BCAR1: variants seen among roughly 807,000 people sequenced by gnomAD.
BCAR1 encodes the protein BCAR1 scaffold protein, Cas family member, also known as breast cancer anti-estrogen resistance protein 1.
Under a neutral mutation model 67.6 loss-of-function variants are expected in BCAR1, and 30 were observed. That is an observed-to-expected ratio of 0.44 (90% CI 0.33 to 0.60). The LOEUF (loss-of-function observed/expected upper bound fraction) is 0.60, where lower values mean the gene tolerates loss of function less well. Ranked by LOEUF, BCAR1 falls within the 20% of genes least tolerant of loss-of-function variation. BCAR1 has a pLI of 0.02. For synonymous variants in BCAR1, 626 were observed against 556.7 expected (o/e 1.12, Z -1.75); for missense variants, 1,313 against 1,222.3 (o/e 1.07, Z -1.11).
chr16:75,264,113 T>TC lies in BCAR1; in HGVS notation c.66+3801dup, dbSNP rs769517290. 5.5e-4 allele frequency: 710 copies of TC among 1,289,342 alleles called. 1 individual carries two copies. Among genetic ancestry groups the TC allele is most frequent in the Non-Finnish European group, 5.9e-4 (601 of 1,020,002 alleles). The allele number at this position is 1,289,342 out of a possible 1,614,324, so 79.9% of individuals were successfully genotyped here. On this transcript the variant is annotated intron_variant, in intron 1 of 6. Transcript: ENST00000393422. ...AGGTCCCCACGACAGTGCCTATCTG[T>TC]CCAAGTCCTACCCAGCCCGCTGTTC... is the stretch of plus-strand genomic sequence containing the variant.
intron 1 of BCAR1, among the ~76,000 whole-genome samples, chr16:75,250,290 A>C (rs1597257383): frequency 6.8e-6 from 1 of 147,612 alleles, no homozygotes; most frequent in Non-Finnish European, 1.5e-5. Context: ...CAGCCCCGCC[A>C]CCCCCGTACC....
chr16:75,229,344 C>T lies in BCAR1; in HGVS notation c.*167G>A. The T allele has an allele frequency of 8.6e-7, 1 of 1,160,480 alleles. No homozygotes were observed. Among genetic ancestry groups the T allele is most frequent in the Admixed American group, 3.1e-5 (1 of 32,720 alleles). 71.9% of individuals were successfully genotyped at this position (1,160,480 alleles called of 1,614,324 possible). On this transcript the variant is annotated 3_prime_UTR_variant, in exon 7 of 7. Transcript: ENST00000162330. Reference sequence around the variant, plus strand: ...CTCCTGAGGAGGCATGGCCCCACACCCTGCCCGGCCATAAATATATACAGA... The same window carrying T: ...CTCCTGAGGAGGCATGGCCCCACACTCTGCCCGGCCATAAATATATACAGA...
intron 1 of BCAR1, among the ~76,000 whole-genome samples, chr16:75,265,522 G>A (rs1285276314): frequency 6.6e-6 from 1 of 151,974 alleles, no homozygotes; most frequent in Non-Finnish European, 1.5e-5. Flanking sequence ...AGCTGTCCCA[G>A]GGGTTTCCCG....
In BCAR1 at chr16:75,236,109, C is replaced by T. The variant is rs114111472; in HGVS notation, c.913-123G>A. Reference sequence around the variant, plus strand: ...ACATACAGACACACACACAGAGGCACGCGCACACACACAGGCACACATACA... The same window carrying T: ...ACATACAGACACACACACAGAGGCATGCGCACACACACAGGCACACATACA... On this transcript the variant is annotated intron_variant, in intron 4 of 6. Transcript: ENST00000162330. 4,251 of 1,251,236 alleles carry T rather than the reference C, an allele frequency of 3.4e-3. 61 individuals are homozygous for T. The African/African-American group carries it at 0.037, about 11-fold the overall frequency. The allele number at this position is 1,251,236 out of a possible 1,614,324, so 77.5% of individuals were successfully genotyped here.
In BCAR1 at chr16:75,237,223, G is replaced by A. The variant is rs2077173683; in HGVS notation, c.755C>T (p.Pro252Leu). ...APGPQDIYDV[P>L]PVRGLLPSQY... Reference sequence around the variant, plus strand: ...GCTGGGAAGCAGCCCCCGAACCGGGGGCACATCATAGATGTCCTGTGGCCC... The same window carrying A: ...GCTGGGAAGCAGCCCCCGAACCGGGAGCACATCATAGATGTCCTGTGGCCC... The change falls in exon 3 of 7, where the codon CCC becomes CTC. Residue 252 changes from proline to leucine, a missense_variant. Physicochemically the swap from Pro to Leu is moderately conservative, Grantham distance 98. Coordinates refer to ENST00000162330, the MANE Select transcript of BCAR1 (RefSeq NM_014567.5). 3.2e-6 allele frequency: 5 copies of A among 1,567,086 alleles called. No homozygotes were observed. Among genetic ancestry groups the A allele is most frequent in the Non-Finnish European group, 4.3e-6 (5 of 1,158,726 alleles).
chr16:75,250,302 G>C (rs1227525096), intron 1 of BCAR1, among the ~76,000 whole-genome samples: 4 of 151,870 alleles, frequency 2.6e-5, no homozygotes, highest in African/African-American at 9.7e-5. Context: ...CCCCGTACCT[G>C]GGCCCCGATT....
chr16:75,236,692 G>C lies in BCAR1; in HGVS notation c.912+190C>G. The C allele has an allele frequency of 7.5e-6, 9 of 1,203,612 alleles. No individual in the cohort carries two copies. In the South Asian group the frequency reaches 2.3e-4, roughly 31 times the overall value. 74.6% of individuals were successfully genotyped at this position (1,203,612 alleles called of 1,614,324 possible). ...AGGCCTCGCAACAGGCGGTTCTGCC[G>C]ACAAAGAACCTGAGGCTCAGAAGAC... On this transcript the variant is annotated intron_variant, in intron 4 of 6. Transcript: ENST00000162330.
At chr16:75,231,478 T>C (rs2076898528) in intron 6 of BCAR1, among the ~76,000 whole-genome samples, 2 of 152,208 alleles carry the variant, frequency 1.3e-5, no homozygotes, top group Non-Finnish European at 2.9e-5. Flanking sequence ...ATTAGACACT[T>C]TGTGGGTGGA....
chr16:75,264,686 C>A, intron 1 of BCAR1: 1 of 1,241,608 alleles, frequency 8.1e-7, no homozygotes, highest in South Asian at 3.8e-5. Flanking sequence ...TGGCCAGCTT[C>A]CCTCTGGTCA....
intron 1 of BCAR1, among the ~76,000 whole-genome samples, chr16:75,262,678 C>A (rs529041519): frequency 1.3e-5 from 2 of 152,292 alleles, no homozygotes; most frequent in Non-Finnish European, 2.9e-5. Context: ...GCAGCTCCCC[C>A]ACTCACACCA....
In BCAR1 at chr16:75,229,857, G is replaced by C; in HGVS notation, c.2267C>G (p.Thr756Ser). The C allele has an allele frequency of 1.2e-6, 2 of 1,613,344 alleles. No individual in the cohort carries two copies. Among genetic ancestry groups the C allele is most frequent in the South Asian group, 1.1e-5 (1 of 91,084 alleles). Residue 756 changes from threonine to serine, a missense_variant, in exon 7 of 7, where the codon ACC (threonine) becomes AGC (serine). Physicochemically the swap from Thr to Ser is moderately conservative, Grantham distance 58. Transcript: ENST00000162330. The part of the protein sequence containing the change: ...FYLEQCEANL[T>S]TLTNAVDAFF... ...GGCGTCCACGGCGTTGGTCAGTGTG[G>C]TCAGGTTGGCCTCACACTGCTCCAG...
chr16:75,242,882 G>A lies in BCAR1; in HGVS notation c.221C>T (p.Pro74Leu). Reference protein sequence around the residue: ...VGMYDKKPAGPGPGPPATPAQ... With the variant: ...VGMYDKKPAGLGPGPPATPAQ... ...CGGGGTGGCGGGAGGGCCGGGGCCA[G>A]GCCCTGCTGGCTTCTTATCATACAT... is the stretch of plus-strand genomic sequence containing the variant. Residue 74 changes from proline (P) to leucine (L), a missense_variant, in exon 2 of 7, where the codon CCT becomes CTT. By Grantham distance (98) the Pro-to-Leu change is moderately conservative (BLOSUM62 -3). This residue lies in a region of BCAR1 where 1,272 missense variants were observed against 1,137.5 expected (regional missense o/e 1.12). Transcript: ENST00000162330. 3 of 1,610,816 alleles carry A rather than the reference G, an allele frequency of 1.9e-6. No individual in the cohort carries two copies.
intron 6 of BCAR1, among the ~76,000 whole-genome samples, chr16:75,230,739 A>T (rs2076873951): frequency 6.6e-6 from 1 of 152,212 alleles, no homozygotes; most frequent in African/African-American, 2.4e-5. Flanking sequence ...AGGCGCAAAG[A>T]TCCAAGCCAC....
intron 1 of BCAR1, chr16:75,264,145 T>A: frequency 7.7e-7 from 1 of 1,305,746 alleles, no homozygotes; most frequent in Admixed American, 3.5e-5. Flanking sequence ...GTTCCTCTCT[T>A]GTTACAGATG....
In BCAR1 at chr16:75,229,805, C is replaced by T. The variant is rs2076828336; in HGVS notation, c.2319G>A (p.Gln773=). 6.2e-7 allele frequency: 1 copy of T among 1,613,446 alleles called. No homozygotes were observed. The highest frequency in any genetic ancestry group is 1.7e-5 in the Admixed American group (1 of 60,012). ...TGTGCGCCACAAAGATCTTGGGCGG[C>T]TGGTTGGTGGCCACGGCGGTAAAGA... ...DAFFTAVATN[Q]PPKIFVAHSK... is the part of the protein sequence containing the mutation. The change falls in exon 7 of 7, where the codon CAG becomes CAA. Residue 773 remains glutamine (Q), a synonymous_variant. Coordinates refer to ENST00000162330, the MANE Select transcript of BCAR1 (RefSeq NM_014567.5).
At chr16:75,263,317 G>T (rs1219858056) in intron 1 of BCAR1, 2 of 985,456 alleles carry the variant, frequency 2.0e-6, no homozygotes, top group East Asian at 2.3e-4. Context: ...GCCAGCCAGA[G>T]GTCTGAGGTG....
chr16:75,235,538 A>G lies in BCAR1; in HGVS notation c.1361T>C (p.Leu454Pro), dbSNP rs1483150703. The G allele has an allele frequency of 6.3e-7, 1 of 1,594,910 alleles. No individual in the cohort carries two copies. The highest frequency in any genetic ancestry group is 8.5e-7 in the Non-Finnish European group (1 of 1,171,392). ...GGCCTCCACAGCAACTTCCAGCTCCAGGGGTTCCCGGCCCGGCCCTGCCAC... is the reference window on the plus strand; with the variant it reads ...GGCCTCCACAGCAACTTCCAGCTCCGGGGGTTCCCGGCCCGGCCCTGCCAC... The part of the protein sequence containing the change: ...LEVAGPGREP[L>P]ELEVAVEALA... Residue 454 changes from leucine (L) to proline (P), a missense_variant, in exon 5 of 7, where the codon CTG becomes CCG. Coordinates refer to ENST00000162330, the MANE Select transcript of BCAR1 (RefSeq NM_014567.5).
intron 1 of BCAR1, chr16:75,248,337 A>G (rs1413537532): frequency 7.4e-7 from 1 of 1,353,188 alleles, no homozygotes; most frequent in African/African-American, 1.5e-5. Flanking sequence ...GACTTCTTTC[A>G]TACCCAGAAC....
At chr16:75,265,984 G>T (rs1381879047) in intron 1 of BCAR1, 2 of 1,050,046 alleles carry the variant, frequency 1.9e-6, no homozygotes, top group African/African-American at 1.7e-5. Flanking sequence ...CGGACTGTCC[G>T]GCCGCTCCAG....
Sources: allele counts gnomAD v4.1 joint callset (sites outside exome capture counted in the v4.1 genomes callset), GRCh38; gene constraint gnomAD v4.1.1; regional missense constraint gnomAD v4.1.1; transcripts MANE v1.5; gene names NCBI Gene and HGNC (gene_info 2026-07-23, HGNC 2026-07-21).